FSIP1: variants seen among roughly 807,000 people sequenced by gnomAD.
FSIP1 encodes the protein fibrous sheath-interacting protein 1.
FSIP1 carries 65 observed loss-of-function variants against 60.9 expected under a neutral mutation model. The observed-to-expected ratio is 1.07, with a 90% confidence interval of 0.87 to 1.31. FSIP1 has a LOEUF of 1.31. FSIP1 is among the 40% of genes most tolerant of loss of function. The probability of loss-of-function intolerance (pLI) is 0.00; values close to 1 mark genes in which losing one functional copy is unlikely to be tolerated. For missense variants in FSIP1, 675 were observed against 665.5 expected (o/e 1.01, Z -0.16); for synonymous variants, 209 against 221.2 (o/e 0.94, Z 0.49).
chr15:39,744,568 G>C (rs1896921239), intron 5 of FSIP1, among the ~76,000 whole-genome samples: 1 of 152,084 alleles, frequency 6.6e-6, no homozygotes, highest in Non-Finnish European at 1.5e-5. Flanking sequence ...AACCTGAAGA[G>C]GCTGGAGAAA....
At chr15:39,755,904 C>T (rs943700443) in intron 5 of FSIP1, among the ~76,000 whole-genome samples, 1 of 152,062 alleles carries the variant, frequency 6.6e-6, no homozygotes, top group Non-Finnish European at 1.5e-5. Flanking sequence ...ATATTGAATT[C>T]TACCTGTATT....
intron 9 of FSIP1, among the ~76,000 whole-genome samples, chr15:39,724,955 G>A (rs1230123259): frequency 1.3e-5 from 2 of 152,186 alleles, no homozygotes; most frequent in Middle Eastern, 3.4e-3. Flanking sequence ...GGATACGGCC[G>A]GATGCAGTGG....
chr15:39,681,268 G>A (rs913879759), intron 10 of FSIP1, among the ~76,000 whole-genome samples: 3 of 151,308 alleles, frequency 2.0e-5, no homozygotes, highest in African/African-American at 7.4e-5. Flanking sequence ...ACACCAAAAG[G>A]TTTATAGTTT....
chr15:39,633,091 C>CGTTTTTT lies in FSIP1; in HGVS notation c.1189-14847_1189-14846insAAAAAAC, dbSNP rs1329095029. Among the ~76,000 whole-genome samples, 48 of 112,878 alleles carry CGTTTTTT rather than the reference C, an allele frequency of 4.3e-4. 2 individuals carry two copies. The highest frequency in any genetic ancestry group is 1.7e-3 in the African/African-American group (45 of 27,098). 74.1% of individuals were successfully genotyped at this position (112,878 alleles called of 152,430 possible). A position where few individuals can be genotyped will look rare whatever the true frequency, so the allele number is the denominator to read the frequency against. On this transcript the variant is annotated intron_variant, in intron 10 of 11. Coordinates refer to ENST00000350221, the MANE Select transcript of FSIP1 (RefSeq NM_152597.5). ...AATCTTCCCCACATAGGCTATACTT[C>CGTTTTTT]TTTTTTTTTTTTTTTTTTTTGAGAT...
intron 10 of FSIP1, among the ~76,000 whole-genome samples, chr15:39,689,785 G>A (rs1894523668): frequency 6.6e-6 from 1 of 152,050 alleles, no homozygotes; most frequent in African/African-American, 2.4e-5. Context: ...CCACACAAAT[G>A]GCATAAATCA....
chr15:39,631,193 G>A (rs886294544), intron 10 of FSIP1, among the ~76,000 whole-genome samples: 7 of 152,080 alleles, frequency 4.6e-5, no homozygotes, highest in Non-Finnish European at 8.8e-5. Context: ...CAGTGACATC[G>A]CACCCCTAAA....
Position 39,763,816 on chromosome 15 carries a change from C to T in FSIP1, c.559+5G>A, listed in dbSNP as rs1429270545. The T allele has an allele frequency of 6.9e-7, 1 of 1,447,712 alleles. No homozygotes were observed. The highest frequency in any genetic ancestry group is 9.7e-7 in the Non-Finnish European group (1 of 1,031,722). The allele number at this position is 1,447,712 out of a possible 1,614,324, so 89.7% of individuals were successfully genotyped here. On this transcript the variant is annotated splice_donor_5th_base_variant and intron_variant, in intron 5 of 11. Transcript: ENST00000350221. ...CAAAGTTGAATGACATCTCCATCTA[C>T]TCACCAACAGTTTCTTCAGAAACAG... is the stretch of plus-strand genomic sequence containing the variant.
At chr15:39,666,868 G>A (rs955594014) in intron 10 of FSIP1, among the ~76,000 whole-genome samples, 2 of 152,172 alleles carry the variant, frequency 1.3e-5, no homozygotes, top group African/African-American at 4.8e-5. Flanking sequence ...AAAAATAGAT[G>A]TCCATTTTAA....
chr15:39,610,055 TTTAG>T (rs1253268747), intron 11 of FSIP1, among the ~76,000 whole-genome samples: 7 of 151,830 alleles, frequency 4.6e-5, no homozygotes, highest in Non-Finnish European at 8.8e-5. Flanking sequence ...GACAACAAGG[TTTAG>T]AAAGAATCAG....
chr15:39,638,699 A>G (rs775243666), intron 10 of FSIP1, among the ~76,000 whole-genome samples: 11 of 152,196 alleles, frequency 7.2e-5, no homozygotes, highest in Non-Finnish European at 1.6e-4. Flanking sequence ...ATGGGCCATA[A>G]GGAAGAGTGA....
At chr15:39,727,801 G>A (rs560231274) in intron 8 of FSIP1, among the ~76,000 whole-genome samples, 439 of 151,728 alleles carry the variant, frequency 2.9e-3, no homozygotes, top group Non-Finnish European at 5.6e-3. Flanking sequence ...CCAAGAAAGA[G>A]AAAAAAAATA....
At position 39,743,990 on chromosome 15, in the gene FSIP1, T is replaced by A. The variant is rs1211369143; in HGVS notation, c.560-2090A>T. On this transcript the variant is annotated intron_variant, in intron 5 of 11. Coordinates refer to ENST00000350221, the MANE Select transcript of FSIP1 (RefSeq NM_152597.5). ...GCATAGCCTGAGATTTTTCTTTTGC[T>A]ATAAAGGATATTAGAGGGACAATTG... Among the ~76,000 whole-genome samples, 5 of 152,248 alleles carry A rather than the reference T, an allele frequency of 3.3e-5. No individual in the cohort carries two copies. In the East Asian group the frequency reaches 9.6e-4, roughly 29 times the overall value.
intron 11 of FSIP1, among the ~76,000 whole-genome samples, chr15:39,602,932 A>G (rs574074012): frequency 6.6e-6 from 1 of 152,322 alleles, no homozygotes; most frequent in East Asian, 1.9e-4. Context: ...TTTTTCATCA[A>G]TATACCTAGA....
intron 9 of FSIP1, among the ~76,000 whole-genome samples, chr15:39,725,772 A>G (rs992927263): frequency 2.0e-5 from 3 of 151,260 alleles, no homozygotes; most frequent in Non-Finnish European, 4.4e-5. Context: ...CTGATATGCC[A>G]TACCTTCTAC....
chr15:39,625,105 C>CT (rs1294248182), intron 10 of FSIP1, among the ~76,000 whole-genome samples: 1 of 152,186 alleles, frequency 6.6e-6, no homozygotes. Context: ...CATGCCTAGG[C>CT]TACCCATCTT....
intron 1 of FSIP1, among the ~76,000 whole-genome samples, chr15:39,777,537 T>C (rs1046103903): frequency 6.6e-6 from 1 of 152,166 alleles, no homozygotes; most frequent in African/African-American, 2.4e-5. Flanking sequence ...TAGTGCTATT[T>C]CCGGAAGCAA....
chr15:39,601,430 C>A (rs893678448), intron 11 of FSIP1, among the ~76,000 whole-genome samples: 2 of 152,116 alleles, frequency 1.3e-5, no homozygotes, highest in African/African-American at 2.4e-5. Context: ...CAAAGAGAAA[C>A]AGGAGAAACT....
intron 10 of FSIP1, among the ~76,000 whole-genome samples, chr15:39,691,923 A>C (rs1450553673): frequency 1.3e-5 from 2 of 152,214 alleles, no homozygotes; most frequent in Non-Finnish European, 2.9e-5. Context: ...GAATTTTAAA[A>C]GCTAGACTAG....
intron 5 of FSIP1, among the ~76,000 whole-genome samples, chr15:39,753,462 A>G (rs1897221822): frequency 6.6e-6 from 1 of 152,108 alleles, no homozygotes; most frequent in Admixed American, 6.6e-5. Context: ...TTGCTTATAA[A>G]TATAGATGCA....
Sources: allele counts gnomAD v4.1 joint callset (sites outside exome capture counted in the v4.1 genomes callset), GRCh38; gene constraint gnomAD v4.1.1; transcripts MANE v1.5; gene names NCBI Gene and HGNC (gene_info 2026-07-23, HGNC 2026-07-21).